Variants in TDRD3 observed in about 807,000 individuals in gnomAD.
TDRD3 encodes tudor domain-containing protein 3.
In TDRD3, 45 loss-of-function variants were observed where a neutral mutation model predicts 86.7. That is an observed-to-expected ratio of 0.52 (90% CI 0.41 to 0.67). The LOEUF is 0.67. TDRD3 is among the 30% of genes least tolerant of loss of function. The probability of loss-of-function intolerance (pLI) is 0.00; values close to 1 mark genes in which losing one functional copy is unlikely to be tolerated. For synonymous variants in TDRD3, 298 were observed against 301.7 expected (o/e 0.99, Z 0.13); for missense variants, 814 against 889.0 (o/e 0.92, Z 1.07).
At chr13:60,402,659 A>G (rs1479948775) in intron 1 of TDRD3, among the ~76,000 whole-genome samples, 1 of 144,142 alleles carries the variant, frequency 6.9e-6, no homozygotes, top group Non-Finnish European at 1.5e-5. Flanking sequence ...ACACTTTTTT[A>G]GATGCTGAAG....
chr13:60,539,605 G>A (rs4886238), intron 12 of TDRD3, among the ~76,000 whole-genome samples: 46,957 of 151,232 alleles, frequency 0.31, 7,512 homozygotes, highest in South Asian at 0.36. Context: ...TCATGTTAGC[G>A]TACTTTAAAA....
intron 1 of TDRD3, among the ~76,000 whole-genome samples, chr13:60,414,113 A>G (rs1416592878): frequency 6.6e-6 from 1 of 152,212 alleles, no homozygotes; most frequent in Non-Finnish European, 1.5e-5. Context: ...GCCCTCCTCA[A>G]AAATTAAATG....
intron 11 of TDRD3, among the ~76,000 whole-genome samples, chr13:60,533,306 G>A (rs1011479465): frequency 6.6e-6 from 1 of 152,082 alleles, no homozygotes; most frequent in Non-Finnish European, 1.5e-5. Context: ...ATGAATTTTT[G>A]TTGCCTGTAG....
chr13:60,432,600 G>A (rs926315041), intron 1 of TDRD3, among the ~76,000 whole-genome samples: 2 of 152,128 alleles, frequency 1.3e-5, no homozygotes, highest in South Asian at 4.1e-4. Flanking sequence ...ACTATGGAGA[G>A]AGAAACAGTT....
intron 4 of TDRD3, among the ~76,000 whole-genome samples, chr13:60,463,555 A>G (rs1329552586): frequency 6.6e-6 from 1 of 152,224 alleles, no homozygotes; most frequent in Non-Finnish European, 1.5e-5. Flanking sequence ...AGGGGAAACA[A>G]TGAACAAAGT....
At chr13:60,463,976 CAGTG>C (rs1955859225) in intron 4 of TDRD3, among the ~76,000 whole-genome samples, 1 of 152,186 alleles carries the variant, frequency 6.6e-6, no homozygotes, top group South Asian at 2.1e-4. Flanking sequence ...GCCATCCTTG[CAGTG>C]AGTGAGTTCT....
At chr13:60,526,614 A>C (rs1343286544) in intron 10 of TDRD3, among the ~76,000 whole-genome samples, 1 of 151,238 alleles carries the variant, frequency 6.6e-6, no homozygotes, top group African/African-American at 2.4e-5. Context: ...TCTTGGGGGA[A>C]AGTTTTTTTT....
chr13:60,503,926 A>C (rs1368375800), intron 8 of TDRD3, among the ~76,000 whole-genome samples: 2 of 152,162 alleles, frequency 1.3e-5, no homozygotes, highest in Admixed American at 1.3e-4. Flanking sequence ...TTTGACCATA[A>C]ATGAAATCTT....
At chr13:60,570,261 G>T (rs1958557745) in intron 13 of TDRD3, among the ~76,000 whole-genome samples, 1 of 151,990 alleles carries the variant, frequency 6.6e-6, no homozygotes, top group Admixed American at 6.6e-5. Flanking sequence ...ACTTGAATAG[G>T]CATTTCTCAA....
At chr13:60,512,651 C>A (rs1464311858) in intron 10 of TDRD3, among the ~76,000 whole-genome samples, 1 of 152,198 alleles carries the variant, frequency 6.6e-6, no homozygotes, top group Non-Finnish European at 1.5e-5. Flanking sequence ...AGGCCCCATG[C>A]AAGTCCGAAA....
In TDRD3 at chr13:60,573,682, C is replaced by T. The variant is rs555517350; in HGVS notation, c.*76C>T. 3.1e-6 allele frequency: 3 copies of T among 982,592 alleles called. No homozygotes were observed. The South Asian group carries it at 1.4e-4, about 46-fold the overall frequency. 60.9% of individuals were successfully genotyped at this position (982,592 alleles called of 1,614,324 possible). A position where few individuals can be genotyped will look rare whatever the true frequency, so the allele number is the denominator to read the frequency against. ...TGGAAACCTGTTGACAGACCTTCCA[C>T]TTTCTCTTCAGAATAAGTAGCTGTG... On this transcript the variant is annotated 3_prime_UTR_variant, in exon 14 of 14. Coordinates refer to ENST00000377881, the MANE Select transcript of TDRD3 (RefSeq NM_001146070.2).
intron 1 of TDRD3, among the ~76,000 whole-genome samples, chr13:60,428,049 A>G (rs1566183485): frequency 6.6e-6 from 1 of 151,928 alleles, no homozygotes; most frequent in Non-Finnish European, 1.5e-5. Flanking sequence ...CTTACCCCTT[A>G]CAGCTTCTGT....
chr13:60,528,817 A>G lies in TDRD3; in HGVS notation c.1592A>G (p.Gln531Arg). The G allele has an allele frequency of 6.2e-7, 1 of 1,613,832 alleles. No homozygotes were observed. The highest frequency in any genetic ancestry group is 8.5e-7 in the Non-Finnish European group (1 of 1,179,898). ...LPQGSVDYNN[Q>R]KRGKRESQTS... The stretch of plus-strand genomic sequence containing the variant: ...CAAGGATCTGTAGATTATAATAATC[A>G]AAAACGTGGAAAAAGAGAAAGCCAA... Residue 531 changes from glutamine (Q) to arginine (R), a missense_variant, in exon 11 of 14, where the codon CAA becomes CGA. Transcript: ENST00000377881.
At chr13:60,557,979 C>T (rs868073931) in intron 12 of TDRD3, among the ~76,000 whole-genome samples, 1 of 151,910 alleles carries the variant, frequency 6.6e-6, no homozygotes, top group Non-Finnish European at 1.5e-5. Context: ...CACGCCACCA[C>T]GCCCAGCTAA....
chr13:60,569,998 G>T (rs1485312730), intron 13 of TDRD3, among the ~76,000 whole-genome samples: 1 of 152,138 alleles, frequency 6.6e-6, no homozygotes, highest in Non-Finnish European at 1.5e-5. Flanking sequence ...CTAGGACATT[G>T]GTCTGGGCAA....
intron 8 of TDRD3, among the ~76,000 whole-genome samples, chr13:60,496,294 T>C (rs1215792699): frequency 1.8e-4 from 1 of 5,584 alleles, no homozygotes; most frequent in Non-Finnish European, 3.5e-4. Flanking sequence ...CTCCCATATA[T>C]ATATATATAT....
At chr13:60,572,970 A>C (rs1958620394) in intron 13 of TDRD3, among the ~76,000 whole-genome samples, 1 of 152,188 alleles carries the variant, frequency 6.6e-6, no homozygotes, top group Admixed American at 6.5e-5. Flanking sequence ...GAGACTGTTT[A>C]CTTCCCAAGA....
chr13:60,461,752 C>G (rs1489486328), intron 4 of TDRD3, among the ~76,000 whole-genome samples: 1 of 152,102 alleles, frequency 6.6e-6, no homozygotes, highest in Non-Finnish European at 1.5e-5. Flanking sequence ...TATTGTAAGA[C>G]ATATATAAAC....
intron 1 of TDRD3, among the ~76,000 whole-genome samples, chr13:60,402,989 A>G (rs1954143059): frequency 6.6e-6 from 1 of 152,198 alleles, no homozygotes. Context: ...AAAATGTTCA[A>G]AGGTAATAAG....
Sources: gnomAD v4.1 joint callset for allele counts (sites outside exome capture counted in the v4.1 genomes callset) on GRCh38, gnomAD v4.1.1 for gene constraint, MANE v1.5 for transcripts, NCBI Gene and HGNC (gene_info 2026-07-23, HGNC 2026-07-21) for gene names.